NOX1: variants seen among roughly 807,000 people sequenced by gnomAD.
The protein encoded by NOX1 is NADH/NADPH mitogenic oxidase subunit P65-MOX.
Under a neutral mutation model 42.5 loss-of-function variants are expected in NOX1, and 34 were observed. The ratio of observed to expected loss-of-function variants is 0.80; its 90% CI spans 0.61 to 1.07. The LOEUF (loss-of-function observed/expected upper bound fraction) is 1.07. NOX1 is among the 50% of genes least tolerant of loss of function. NOX1 has a pLI of 0.00. For missense variants in NOX1, 408 were observed against 427.0 expected, an observed-to-expected ratio of 0.96 and a Z score of 0.39; for synonymous variants, 143 against 152.5, an observed-to-expected ratio of 0.94 and a Z score of 0.46.
chrX:100,853,302 C>CT (rs1172373288), intron 7 of NOX1, among the ~76,000 whole-genome samples: 1 of 73,338 alleles, frequency 1.4e-5, no homozygotes, highest in African/African-American at 5.4e-5. Context: ...TTCTTTCTTT[C>CT]TTTCTTTCTT....
chrX:100,866,462 G>C (rs1252420466), intron 2 of NOX1, among the ~76,000 whole-genome samples: 1 of 103,325 alleles, frequency 9.7e-6, no homozygotes, highest in Non-Finnish European at 2.0e-5. Flanking sequence ...TGATACATTT[G>C]TGAGCTTATG....
At chrX:100,853,206 AT>A (rs2085126202) in intron 7 of NOX1, among the ~76,000 whole-genome samples, 1 of 108,362 alleles carries the variant, frequency 9.2e-6, no homozygotes, top group African/African-American at 3.4e-5. Flanking sequence ...CCATACACAT[AT>A]TTTCCTTCTC....
intron 12 of NOX1, among the ~76,000 whole-genome samples, chrX:100,845,146 C>T (rs893204816): frequency 1.8e-5 from 2 of 111,910 alleles, no homozygotes; most frequent in African/African-American, 6.5e-5. Context: ...GCAACCATCA[C>T]CACTATCTAA....
chrX:100,852,107 C>T (rs1198853929), intron 7 of NOX1, among the ~76,000 whole-genome samples: 1 of 112,184 alleles, frequency 8.9e-6, no homozygotes, highest in African/African-American at 3.2e-5. Context: ...TATCCATCAC[C>T]TCCTTTCTCA....
At position 100,844,058 on chromosome X, in the gene NOX1, A is replaced by G. The variant is rs2085055135; in HGVS notation, c.1589T>C (p.Leu530Ser). Reference sequence around the variant, plus strand: ...CTTTGCCAAAGTCCGAGGGCCACATAAGAAAACTCCCACTACAGACCTGTA... The same window carrying G: ...CTTTGCCAAAGTCCGAGGGCCACATGAGAAAACTCCCACTACAGACCTGTA... ...SHPKSVVGVFLCGPRTLAKSL... is the reference protein window; with the variant it reads ...SHPKSVVGVFSCGPRTLAKSL... Residue 530 changes from leucine to serine, a missense_variant, in exon 13 of 13, where the codon TTA (leucine) becomes TCA (serine). Physicochemically the swap from Leu to Ser is moderately radical, Grantham distance 145. Transcript: ENST00000372966. 1 of 1,196,915 alleles carries G rather than the reference A, an allele frequency of 8.4e-7. No individual in the cohort carries two copies. Among genetic ancestry groups the G allele is most frequent in the Non-Finnish European group, 1.1e-6 (1 of 886,442 alleles).
At chrX:100,856,914 G>T (rs2085171345) in intron 7 of NOX1, among the ~76,000 whole-genome samples, 1 of 111,057 alleles carries the variant, frequency 9.0e-6, no homozygotes, top group South Asian at 3.8e-4. Flanking sequence ...AGGTTCAGAG[G>T]TACATGTGCA....
intron 10 of NOX1, 138 bp from the exon 11 acceptor site, chrX:100,849,564 C>T: frequency 2.7e-6 from 2 of 729,057 alleles, no homozygotes; most frequent in Non-Finnish European, 3.9e-6. Flanking sequence ...CATCTTTGGT[C>T]AGGGTGATCT....
At chrX:100,872,122 G>A (rs373697148) in intron 1 of NOX1, among the ~76,000 whole-genome samples, 36 of 111,820 alleles carry the variant, frequency 3.2e-4, no homozygotes, top group Admixed American at 2.0e-3. Flanking sequence ...TGTCACCACC[G>A]AACCTGCTTT....
intron 11 of NOX1, 37 bp downstream of exon 11, chrX:100,849,243 T>A (rs2085096241): frequency 2.5e-6 from 3 of 1,191,142 alleles, no homozygotes; most frequent in African/African-American, 3.5e-5. Flanking sequence ...ATTCGTCTTA[T>A]GTTTAGTAGG....
intron 7 of NOX1, among the ~76,000 whole-genome samples, chrX:100,856,915 T>C (rs1307173532): frequency 9.0e-6 from 1 of 111,274 alleles, no homozygotes; most frequent in Admixed American, 9.6e-5. Context: ...GGTTCAGAGG[T>C]ACATGTGCAG....
chrX:100,853,261 C>CCTTTCTTTCTTTCTTTCTTTCTTT (rs1177925812), intron 7 of NOX1, among the ~76,000 whole-genome samples: 2 of 23,437 alleles, frequency 8.5e-5, no homozygotes, highest in Admixed American at 5.1e-4. Context: ...TTCCTTCCTT[C>CCTTTCTTTCTTTCTTTCTTTCTTT]CTTTCTTTCT....
At chrX:100,862,359 T>C in intron 6 of NOX1, 33 bp downstream of exon 6, 11 of 1,209,367 alleles carry the variant, frequency 9.1e-6, no homozygotes, top group Non-Finnish European at 1.2e-5. Context: ...GGTCAGGGGC[T>C]GGGGCATGAG....
chrX:100,848,815 C>T, intron 11 of NOX1, 61 bp from the exon 12 acceptor site: 2 of 1,144,300 alleles, frequency 1.7e-6, no homozygotes, highest in Non-Finnish European at 2.4e-6. Context: ...GTGGCTCACG[C>T]CTGTAATCCC....
At chrX:100,856,414 T>A in intron 7 of NOX1, 1 of 486,293 alleles carries the variant, frequency 2.1e-6, no homozygotes, top group East Asian at 3.4e-5. Context: ...TAACGATGCT[T>A]CTTCAGTGGC....
chrX:100,853,290 CTTTCTT>C (rs1569445582), intron 7 of NOX1, among the ~76,000 whole-genome samples: 2 of 57,604 alleles, frequency 3.5e-5, no homozygotes, highest in African/African-American at 1.3e-4. Context: ...TTCTTTCTTT[CTTTCTT>C]TCTTTCTTTC....
chrX:100,872,652 A>T (rs193178398), intron 1 of NOX1, among the ~76,000 whole-genome samples: 6 of 110,494 alleles, frequency 5.4e-5, no homozygotes, highest in African/African-American at 2.0e-4. Flanking sequence ...AGCAAAAAAT[A>T]AGAGAGGGGG....
Sources: gnomAD v4.1 joint callset for allele counts (sites outside exome capture counted in the v4.1 genomes callset) on GRCh38, gnomAD v4.1.1 for gene constraint, MANE v1.5 for transcripts, NCBI Gene and HGNC (gene_info 2026-07-23, HGNC 2026-07-21) for gene names.